Variants in NHS observed in about 807,000 individuals in gnomAD.
NHS encodes actin remodeling regulator NHS.
In NHS, 5 loss-of-function variants were observed where a neutral mutation model predicts 72.5. The ratio of observed to expected loss-of-function variants is 0.07; its 90% CI spans 0.04 to 0.14. NHS has a LOEUF of 0.14. NHS is among the 10% of genes least tolerant of loss of function. NHS has a pLI of 1.00. For missense variants in NHS, 1,072 were observed against 1,355.7 expected (o/e 0.79, Z 3.29); for synonymous variants, 464 against 547.7 (o/e 0.85, Z 2.13).
At chrX:17,615,204 GTA>G (rs752849880) in intron 1 of NHS, among the ~76,000 whole-genome samples, 9 of 79,846 alleles carry the variant, frequency 1.1e-4, no homozygotes, top group African/African-American at 4.8e-4. Flanking sequence ...ACATATATAC[GTA>G]TATATATACG....
At chrX:17,611,436 G>A (rs1158155969) in intron 1 of NHS, among the ~76,000 whole-genome samples, 1 of 112,108 alleles carries the variant, frequency 8.9e-6, no homozygotes, top group Non-Finnish European at 1.9e-5. Flanking sequence ...TTAGCTAGTT[G>A]AAGGCTTTTA....
At chrX:17,404,262 G>A (rs1487239169) in intron 1 of NHS, among the ~76,000 whole-genome samples, 1 of 111,841 alleles carries the variant, frequency 8.9e-6, no homozygotes, top group Non-Finnish European at 1.9e-5. Flanking sequence ...AAATTAGAAA[G>A]GGAGGGAGCA....
intron 1 of NHS, 89 bp downstream of exon 1, chrX:17,376,411 G>A (rs948961583): frequency 3.3e-5 from 29 of 866,339 alleles, no homozygotes; most frequent in Non-Finnish European, 4.4e-5. Flanking sequence ...CCAGCCCCGC[G>A]GCGCCGCTCC....
chrX:17,561,566 GCGCGCGCGCACACACA>G (rs1339315945), intron 1 of NHS, among the ~76,000 whole-genome samples: 4 of 69,111 alleles, frequency 5.8e-5, no homozygotes, highest in East Asian at 1.1e-3. Flanking sequence ...ATGCGCGCGC[GCGCGCGCGCACACACA>G]CACACACACA....
At chrX:17,607,969 C>T (rs184825131) in intron 1 of NHS, among the ~76,000 whole-genome samples, 110 of 99,758 alleles carry the variant, frequency 1.1e-3, no homozygotes, top group Middle Eastern at 5.1e-3. Flanking sequence ...CCCACGCTGG[C>T]GTTCAGTGGC....
intron 1 of NHS, among the ~76,000 whole-genome samples, chrX:17,441,250 A>G (rs1358961080): frequency 8.9e-6 from 1 of 112,041 alleles, no homozygotes; most frequent in Non-Finnish European, 1.9e-5. Flanking sequence ...ATCTCAATTC[A>G]TCCTCGCAAT....
intron 1 of NHS, among the ~76,000 whole-genome samples, chrX:17,381,428 A>G (rs1173731687): frequency 9.0e-6 from 1 of 111,636 alleles, no homozygotes; most frequent in Non-Finnish European, 1.9e-5. Flanking sequence ...CACCTGAAAC[A>G]TCCTCCCCTC....
intron 1 of NHS, among the ~76,000 whole-genome samples, chrX:17,613,111 G>A (rs1394707857): frequency 2.7e-5 from 3 of 111,004 alleles, no homozygotes; most frequent in Non-Finnish European, 5.7e-5. Context: ...AGTGGCTGAG[G>A]CCTGTAATCC....
chrX:17,506,239 G>A (rs2065057319), intron 1 of NHS, among the ~76,000 whole-genome samples: 2 of 111,146 alleles, frequency 1.8e-5, no homozygotes, highest in South Asian at 3.8e-4. Context: ...TTAAAGTCAG[G>A]TGCACTTGGC....
At chrX:17,479,487 C>G (rs771291149) in intron 1 of NHS, among the ~76,000 whole-genome samples, 5 of 112,253 alleles carry the variant, frequency 4.5e-5, no homozygotes, top group African/African-American at 6.5e-5. Context: ...ACAATGTCTT[C>G]CACAATGGTT....
At chrX:17,568,587 C>T (rs2065457879) in intron 1 of NHS, among the ~76,000 whole-genome samples, 1 of 106,224 alleles carries the variant, frequency 9.4e-6, no homozygotes, top group South Asian at 4.2e-4. Flanking sequence ...CTATTTCAGT[C>T]CAGACAACTC....
chrX:17,701,809 G>A (rs1485215699), intron 3 of NHS, among the ~76,000 whole-genome samples: 1 of 111,011 alleles, frequency 9.0e-6, no homozygotes. Flanking sequence ...GAGAGTCTCA[G>A]GTTATGCTCA....
At chrX:17,629,512 T>C (rs925103651) in intron 1 of NHS, among the ~76,000 whole-genome samples, 3 of 111,293 alleles carry the variant, frequency 2.7e-5, no homozygotes, top group South Asian at 3.8e-4. Context: ...AAACAACTGA[T>C]GGACTCAGGA....
intron 1 of NHS, among the ~76,000 whole-genome samples, chrX:17,446,194 T>C (rs1358894524): frequency 1.8e-5 from 2 of 110,648 alleles, no homozygotes; most frequent in African/African-American, 3.3e-5. Context: ...AAAGCAGCCC[T>C]GAGAAACATC....
chrX:17,481,226 G>A (rs2064944782), intron 1 of NHS, among the ~76,000 whole-genome samples: 1 of 111,903 alleles, frequency 8.9e-6, no homozygotes, highest in Non-Finnish European at 1.9e-5. Context: ...ATAAGGCGGT[G>A]TCCGTAACTT....
At chrX:17,715,655 T>G (rs2066360560) in intron 3 of NHS, among the ~76,000 whole-genome samples, 1 of 111,452 alleles carries the variant, frequency 9.0e-6, no homozygotes, top group African/African-American at 3.3e-5. Context: ...ATGGGTAAAC[T>G]TGTGTCATGG....
At chrX:17,667,099 T>C (rs2066017351) in intron 1 of NHS, among the ~76,000 whole-genome samples, 1 of 112,725 alleles carries the variant, frequency 8.9e-6, no homozygotes, top group African/African-American at 3.2e-5. Flanking sequence ...AAGGGACTTA[T>C]TGAGGACTCC....
chrX:17,430,268 T>C (rs1259208387), intron 1 of NHS, among the ~76,000 whole-genome samples: 3 of 39,759 alleles, frequency 7.5e-5, no homozygotes, highest in Non-Finnish European at 1.4e-4. Context: ...TTTTTCTTTC[T>C]TTCTTTCTTT....
intron 1 of NHS, among the ~76,000 whole-genome samples, chrX:17,643,444 A>G (rs2065891598): frequency 8.9e-6 from 1 of 111,743 alleles, no homozygotes; most frequent in African/African-American, 3.3e-5. Context: ...AAGATGTGCT[A>G]TGGCCTGTGC....
Sources: gnomAD v4.1 joint callset for allele counts (sites outside exome capture counted in the v4.1 genomes callset) on GRCh38, gnomAD v4.1.1 for gene constraint, MANE v1.5 for transcripts, NCBI Gene and HGNC (gene_info 2026-07-23, HGNC 2026-07-21) for gene names.